The following GRHL2 variants were observed in gnomAD, a reference collection of about 807,000 sequenced individuals.
GRHL2 encodes grainyhead like transcription factor 2, also known as grainyhead-like protein 2 homolog.
In GRHL2, 21 loss-of-function variants were observed where a neutral mutation model predicts 83.8. That is an observed-to-expected ratio of 0.25 (90% CI 0.18 to 0.36). GRHL2 has a LOEUF of 0.36. Ranked by LOEUF, GRHL2 falls within the 10% of genes least tolerant of loss-of-function variation. GRHL2 has a pLI of 1.00. For missense variants in GRHL2, 623 were observed against 781.8 expected, an observed-to-expected ratio of 0.80 and a Z score of 2.42; for synonymous variants, 280 against 278.9, an observed-to-expected ratio of 1.00 and a Z score of -0.04.
intron 1 of GRHL2, among the ~76,000 whole-genome samples, chr8:101,514,787 G>A (rs1810535283): frequency 6.6e-6 from 1 of 152,136 alleles, no homozygotes. Flanking sequence ...ACGAATGTTA[G>A]GATGGGGCTC....
At chr8:101,558,880 C>A (rs1811545091) in intron 4 of GRHL2, 68 bp downstream of exon 4, 2 of 1,522,912 alleles carry the variant, frequency 1.3e-6, no homozygotes, top group African/African-American at 1.4e-5. Flanking sequence ...TTTTCTATTT[C>A]CTTTCAAAGT....
intron 1 of GRHL2, among the ~76,000 whole-genome samples, chr8:101,506,446 G>C (rs1810341426): frequency 6.6e-6 from 1 of 152,028 alleles, no homozygotes; most frequent in Admixed American, 6.6e-5. Flanking sequence ...TGCAAATTAT[G>C]ATTCTCTTTT....
intron 7 of GRHL2, among the ~76,000 whole-genome samples, chr8:101,586,089 T>TTTTTTTTTTTTTTTG (rs1289272635): frequency 1.5e-5 from 2 of 136,660 alleles, no homozygotes; most frequent in Non-Finnish European, 3.2e-5. Flanking sequence ...TTTTTTTTTT[T>TTTTTTTTTTTTTTTG]TGAGACGGAG....
In GRHL2 at chr8:101,632,238, A is replaced by G; in HGVS notation, c.1358A>G (p.Lys453Arg). The change falls in exon 11 of 16, where the codon AAG (lysine) becomes AGG (arginine). Residue 453 changes from lysine (K) to arginine (R), a missense_variant. Around this residue, in one of 8 missense-constraint regions of GRHL2, gnomAD observed 210 missense variants for 254.8 expected, o/e 0.82. Coordinates refer to ENST00000646743, the MANE Select transcript of GRHL2 (RefSeq NM_024915.4). Reference protein sequence around the residue: ...QTQCNSSSDGKLAAIPLQKKS... With the variant: ...QTQCNSSSDGRLAAIPLQKKS... Reference sequence around the variant, plus strand: ...TGATCCCATCCAGCCTCTGATGGGAAGTTGGCTGCCATACCTTTACAGAAG... The same window carrying G: ...TGATCCCATCCAGCCTCTGATGGGAGGTTGGCTGCCATACCTTTACAGAAG... 1.2e-6 allele frequency: 2 copies of G among 1,614,026 alleles called. No individual in the cohort carries two copies. Among genetic ancestry groups the G allele is most frequent in the Non-Finnish European group, 1.7e-6 (2 of 1,179,906 alleles).
At chr8:101,545,761 G>GA (rs1040007567) in intron 2 of GRHL2, among the ~76,000 whole-genome samples, 1 of 148,428 alleles carries the variant, frequency 6.7e-6, no homozygotes, top group Non-Finnish European at 1.5e-5. Flanking sequence ...CTTCTATGAT[G>GA]AAAAAATAGT....
rs577496136 is a variant in GRHL2, at chr8:101,593,207, A to G, written c.1004-5850A>G. On this transcript the variant is annotated intron_variant, in intron 7 of 15. Coordinates refer to ENST00000646743, the MANE Select transcript of GRHL2 (RefSeq NM_024915.4). ...ATGATCCACCTGTCTCGGCCTCCCAAAGTGTTAGGATTACAGGCGTGAGCC... is the reference window on the plus strand; with the variant it reads ...ATGATCCACCTGTCTCGGCCTCCCAGAGTGTTAGGATTACAGGCGTGAGCC... Among the ~76,000 whole-genome samples, 513 of 152,282 alleles carry G rather than the reference A, an allele frequency of 3.4e-3. 4 individuals are homozygous for G. The highest frequency in any genetic ancestry group is 0.011 in the African/African-American group (473 of 41,542).
chr8:101,547,916 T>G (rs1811298473), intron 2 of GRHL2, among the ~76,000 whole-genome samples: 1 of 152,236 alleles, frequency 6.6e-6, no homozygotes, highest in African/African-American at 2.4e-5. Flanking sequence ...TTTCCATGAA[T>G]TTCAGGCATG....
intron 12 of GRHL2, among the ~76,000 whole-genome samples, chr8:101,641,497 G>A (rs1434435364): frequency 1.3e-5 from 2 of 152,150 alleles, no homozygotes; most frequent in Non-Finnish European, 2.9e-5. Context: ...TGGAAGGTAG[G>A]CTGCAACATT....
At chr8:101,678,355 G>A in the GRHL2 span, among the ~76,000 whole-genome samples, 1,193 of 152,240 alleles carry the variant, frequency 7.8e-3, 19 homozygotes, top group African/African-American at 0.026. Flanking sequence ...ACTCCCACCC[G>A]AATACTGCGC....
At chr8:101,581,285 G>A (rs59578692) in intron 7 of GRHL2, among the ~76,000 whole-genome samples, 1,526 of 152,284 alleles carry the variant, frequency 0.01, 16 homozygotes, top group African/African-American at 0.034. Context: ...GCAGGAGTTG[G>A]GGGCAGGGGA....
intron 1 of GRHL2, among the ~76,000 whole-genome samples, chr8:101,523,124 C>G (rs1810725639): frequency 6.6e-6 from 1 of 152,010 alleles, no homozygotes. Flanking sequence ...ATTGCCCAGG[C>G]TGGTCTCAAA....
chr8:101,530,204 C>T (rs1242855410), intron 1 of GRHL2, among the ~76,000 whole-genome samples: 1 of 152,226 alleles, frequency 6.6e-6, no homozygotes, highest in Non-Finnish European at 1.5e-5. Flanking sequence ...GCCTTCTCAA[C>T]TCTGGCTTTT....
chr8:101,528,543 A>T (rs1810853733), intron 1 of GRHL2, among the ~76,000 whole-genome samples: 1 of 152,074 alleles, frequency 6.6e-6, no homozygotes, highest in Non-Finnish European at 1.5e-5. Context: ...GCTGGGGAAC[A>T]TGTGCCCTCA....
intron 2 of GRHL2, among the ~76,000 whole-genome samples, chr8:101,550,969 T>C (rs1429480721): frequency 6.6e-6 from 1 of 152,216 alleles, no homozygotes; most frequent in African/African-American, 2.4e-5. Flanking sequence ...TAGTATTCCG[T>C]TGTATGGCCA....
Position 101,632,229 on chromosome 8 carries a change from C to G in GRHL2, c.1349C>G (p.Ser450Cys), listed in dbSNP as rs771520662. 3.1e-6 allele frequency: 5 copies of G among 1,613,702 alleles called. No homozygotes were observed. Among genetic ancestry groups the G allele is most frequent in the Non-Finnish European group, 3.4e-6 (4 of 1,179,742 alleles). The change falls in exon 11 of 16, where the codon TCT becomes TGT. Residue 450 changes from serine (S) to cysteine (C), a missense_variant. Around this residue, in one of 8 missense-constraint regions of GRHL2, gnomAD observed 210 missense variants for 254.8 expected, o/e 0.82. Coordinates refer to ENST00000646743, the MANE Select transcript of GRHL2 (RefSeq NM_024915.4). ...QASQTQCNSS[S>C]DGKLAAIPLQ... is the part of the protein sequence containing the mutation. The stretch of plus-strand genomic sequence containing the variant: ...GAGTTTGTGTGATCCCATCCAGCCT[C>G]TGATGGGAAGTTGGCTGCCATACCT...
chr8:101,545,631 A>G (rs766294051), intron 2 of GRHL2, among the ~76,000 whole-genome samples: 8 of 151,918 alleles, frequency 5.3e-5, no homozygotes, highest in Non-Finnish European at 1.0e-4. Flanking sequence ...TTCAAAATGT[A>G]TTGAGGATAG....
intron 7 of GRHL2, among the ~76,000 whole-genome samples, chr8:101,597,621 A>G (rs1227780805): frequency 6.8e-6 from 1 of 147,950 alleles, no homozygotes; most frequent in East Asian, 2.1e-4. Context: ...ATAGGTGGGA[A>G]TTGAACAATG....
At position 101,669,254 on chromosome 8, in the gene GRHL2, C is replaced by CTTTTCTTTCTTCT. The variant is rs77984682; in HGVS notation, c.*2555_*2556insCTTTCTTCTTTTT. 1.3e-4 allele frequency: 17 copies of CTTTTCTTTCTTCT among 126,626 alleles called. No homozygotes were observed. The highest frequency in any genetic ancestry group is 4.8e-4 in the African/African-American group (17 of 35,560). The allele number at this position is 126,626 out of a possible 1,614,324, so 7.8% of individuals were successfully genotyped here. The stretch of plus-strand genomic sequence containing the variant: ...GGACATGTGAAATGAGCATTTTTTT[C>CTTTTCTTTCTTCT]TTTTTTTTTTTTAACAAAGTCTGAA... On this transcript the variant is annotated 3_prime_UTR_variant, in exon 16 of 16. Transcript: ENST00000646743.
downstream of GRHL2, among the ~76,000 whole-genome samples, chr8:101,674,340 A>G (rs914066843): frequency 6.6e-6 from 1 of 152,052 alleles, no homozygotes; most frequent in Non-Finnish European, 1.5e-5. Flanking sequence ...AAGAGAGAAG[A>G]ATCAAAAAGA....
Sources: allele counts gnomAD v4.1 joint callset (sites outside exome capture counted in the v4.1 genomes callset), GRCh38; gene constraint gnomAD v4.1.1; regional missense constraint gnomAD v4.1.1; transcripts MANE v1.5; gene names NCBI Gene and HGNC (gene_info 2026-07-23, HGNC 2026-07-21).